STEAP1B: variants seen among roughly 807,000 people sequenced by gnomAD.
STEAP1B encodes the protein STEAP family protein MGC87042.
In STEAP1B, 13 loss-of-function variants were observed where a neutral mutation model predicts 27.9. The observed-to-expected ratio is 0.47, with a 90% CI of 0.30 to 0.74. STEAP1B has a LOEUF of 0.74. Among genes scored for constraint, STEAP1B ranks in the 30% least tolerant of loss-of-function variants. The pLI is 0.06. For synonymous variants in STEAP1B, 86 were observed against 107.1 expected, an observed-to-expected ratio of 0.80 and a Z score of 1.22; for missense variants, 250 against 298.7, an observed-to-expected ratio of 0.84 and a Z score of 1.20.
At chr7:22,434,875 G>A (rs1004423354) in intron 4 of STEAP1B, among the ~76,000 whole-genome samples, 4 of 151,994 alleles carry the variant, frequency 2.6e-5, no homozygotes, top group African/African-American at 9.7e-5. Flanking sequence ...GCTCAGTTTT[G>A]CCCTAGAATT....
chr7:22,439,465 G>A (rs991448155), intron 4 of STEAP1B, among the ~76,000 whole-genome samples: 2 of 151,622 alleles, frequency 1.3e-5, no homozygotes, highest in East Asian at 3.9e-4. Context: ...TGAAATCAAA[G>A]TAAAACTTTT....
chr7:22,441,958 C>T (rs1309187309), intron 4 of STEAP1B, among the ~76,000 whole-genome samples: 1 of 152,162 alleles, frequency 6.6e-6, no homozygotes, highest in Non-Finnish European at 1.5e-5. Flanking sequence ...ACTTTTCTTT[C>T]TTTAGTCAGC....
chr7:22,466,564 A>T (rs745468962), intron 4 of STEAP1B, among the ~76,000 whole-genome samples: 4 of 152,054 alleles, frequency 2.6e-5, no homozygotes, highest in Non-Finnish European at 5.9e-5. Flanking sequence ...TTGATCTTGA[A>T]CTTCCAGCCT....
At chr7:22,438,299 C>T in intron 4 of STEAP1B, 1 of 623,832 alleles carries the variant, frequency 1.6e-6, no homozygotes, top group Non-Finnish European at 2.7e-6. Context: ...TGCTTGGTGT[C>T]CTATGCAGTT....
intron 4 of STEAP1B, among the ~76,000 whole-genome samples, chr7:22,487,577 G>T (rs1786233790): frequency 6.6e-6 from 1 of 151,256 alleles, no homozygotes; most frequent in South Asian, 2.1e-4. Flanking sequence ...GGGGCGGGGG[G>T]GTGCATCACC....
intron 1 of STEAP1B, among the ~76,000 whole-genome samples, chr7:22,497,422 G>A (rs1786460374): frequency 1.3e-5 from 2 of 152,146 alleles, no homozygotes; most frequent in African/African-American, 4.8e-5. Flanking sequence ...TAGAGTCCCT[G>A]AAACTAGATC....
At chr7:22,423,588 G>A (rs3114704) in intron 4 of STEAP1B, among the ~76,000 whole-genome samples, 69,810 of 152,094 alleles carry the variant, frequency 0.46, 16,082 homozygotes, top group Middle Eastern at 0.58. Context: ...GAAAGTTGAC[G>A]TTTGCCTAGG....
At chr7:22,481,295 G>T (rs1786069514) in intron 4 of STEAP1B, among the ~76,000 whole-genome samples, 1 of 152,166 alleles carries the variant, frequency 6.6e-6, no homozygotes, top group Admixed American at 6.5e-5. Context: ...GACCTCTGGA[G>T]CCAGACTACC....
At position 22,456,970 on chromosome 7, in the gene STEAP1B, A is replaced by ATTTTTTTTTTTTT. The variant is rs1457986338; in HGVS notation, c.762+35594_762+35595insAAAAAAAAAAAAA. ...TAGGCAGCTATATATATATATATAT[A>ATTTTTTTTTTTTT]TATTTTTTTTTTTTTTAAGTATCCT... On this transcript the variant is annotated intron_variant, in intron 4 of 4. Transcript: ENST00000678116. 1.9e-4 allele frequency among the ~76,000 whole-genome samples: 5 copies of ATTTTTTTTTTTTT among 26,160 alleles called. 1 individual carries two copies. The highest frequency in any genetic ancestry group is 4.3e-4 in the African/African-American group (4 of 9,272). The allele number at this position is 26,160 out of a possible 152,430, so 17.2% of individuals were successfully genotyped here. A position where few individuals can be genotyped will look rare whatever the true frequency, so the allele number is the denominator to read the frequency against.
At chr7:22,462,228 AAATT>A (rs764179780) in intron 4 of STEAP1B, among the ~76,000 whole-genome samples, 111 of 152,102 alleles carry the variant, frequency 7.3e-4, no homozygotes, top group Non-Finnish European at 1.2e-3. Flanking sequence ...TCTTTTTTTA[AAATT>A]AATTAATTAT....
At chr7:22,495,692 T>C (rs1287496112) in intron 1 of STEAP1B, among the ~76,000 whole-genome samples, 1 of 152,096 alleles carries the variant, frequency 6.6e-6, no homozygotes, top group African/African-American at 2.4e-5. Flanking sequence ...GAAAAACAGA[T>C]TAGATATACA....
At chr7:22,457,837 G>C (rs1785613067) in intron 4 of STEAP1B, among the ~76,000 whole-genome samples, 1 of 152,182 alleles carries the variant, frequency 6.6e-6, no homozygotes, top group African/African-American at 2.4e-5. Flanking sequence ...ATGATGACAT[G>C]GTATTAGAAA....
chr7:22,437,614 GTACACAGAAGTAGAATTGCTGGATC>G (rs575968490), intron 4 of STEAP1B, among the ~76,000 whole-genome samples: 150 of 152,320 alleles, frequency 9.8e-4, no homozygotes, highest in Non-Finnish European at 1.6e-3. Context: ...CTTTGGATAT[GTACACAGAAGTAGAATTGCTGGATC>G]ATATGACAGT....
At chr7:22,472,732 A>C (rs1003931017) in intron 4 of STEAP1B, among the ~76,000 whole-genome samples, 2 of 151,676 alleles carry the variant, frequency 1.3e-5, no homozygotes, top group East Asian at 3.9e-4. Context: ...TTCTGCACCT[A>C]CCCCTCTCCC....
intron 4 of STEAP1B, among the ~76,000 whole-genome samples, chr7:22,462,281 G>A (rs1420836087): frequency 1.3e-5 from 2 of 150,352 alleles, no homozygotes; most frequent in Admixed American, 6.6e-5. Flanking sequence ...TGCACAATGT[G>A]CAGGTTAGTT....
At chr7:22,461,118 G>C (rs1583642376) in intron 4 of STEAP1B, among the ~76,000 whole-genome samples, 1 of 152,240 alleles carries the variant, frequency 6.6e-6, no homozygotes, top group African/African-American at 2.4e-5. Flanking sequence ...GGACTTCAAG[G>C]AACTGCTTAC....
intron 4 of STEAP1B, among the ~76,000 whole-genome samples, chr7:22,440,495 G>A (rs1365379236): frequency 1.3e-5 from 2 of 152,104 alleles, no homozygotes; most frequent in Non-Finnish European, 2.9e-5. Flanking sequence ...AAGTTATTCA[G>A]GCTGAAATAT....
rs574339416 is a variant in STEAP1B at position 22,455,669 on chromosome 7, T to C, written c.763-35833A>G. Among the ~76,000 whole-genome samples, 4 of 152,358 alleles carry C rather than the reference T, an allele frequency of 2.6e-5. No individual in the cohort carries two copies. In the South Asian group the frequency reaches 6.2e-4, roughly 24 times the overall value. On this transcript the variant is annotated intron_variant, in intron 4 of 4. Transcript: ENST00000678116. ...CTTTTCCCAACACGTGGTTTGCCTA[T>C]GCTACCTTAACAAATACATTCACAG...
intron 4 of STEAP1B, among the ~76,000 whole-genome samples, chr7:22,468,516 C>T (rs1785825385): frequency 6.6e-6 from 1 of 152,172 alleles, no homozygotes; most frequent in Admixed American, 6.6e-5. Flanking sequence ...ATACACCTAA[C>T]ATAAGACACT....
Sources: allele counts gnomAD v4.1 joint callset (sites outside exome capture counted in the v4.1 genomes callset), GRCh38; gene constraint gnomAD v4.1.1; transcripts MANE v1.5; gene names NCBI Gene and HGNC (gene_info 2026-07-23, HGNC 2026-07-21).